Variants in KLHL14 observed in about 807,000 individuals in gnomAD.
KLHL14 encodes the protein kelch-like protein 14.
In KLHL14, 22 loss-of-function variants were observed where a neutral mutation model predicts 64.3. The observed-to-expected ratio is 0.34, with a 90% confidence interval of 0.24 to 0.49. The LOEUF is 0.49. KLHL14 is among the 20% of genes least tolerant of loss of function. The pLI is 0.99. For synonymous variants in KLHL14, 322 were observed against 333.4 expected (o/e 0.97, Z 0.37); for missense variants, 661 against 789.0 (o/e 0.84, Z 1.94).
rs140643535 is a variant in KLHL14 at position 32,684,182 on chromosome 18, T to C, written c.1238+2973A>G. Among the ~76,000 whole-genome samples the C allele has an allele frequency of 8.3e-3, 1,267 of 152,338 alleles. 11 individuals carry two copies. The highest frequency in any genetic ancestry group is 0.034 in the Middle Eastern group (10 of 294). On this transcript the variant is annotated intron_variant, in intron 5 of 8. Transcript: ENST00000359358. ...CTCTCTTTACTGAAGAATTAAATTC[T>C]AAATCTGAGAGCAAAACAATTCATT...
intron 3 of KLHL14, among the ~76,000 whole-genome samples, chr18:32,715,054 C>T (rs77330324): frequency 1.7e-3 from 258 of 152,242 alleles, no homozygotes; most frequent in African/African-American, 6.0e-3. Context: ...CCTGAAGGCA[C>T]TATAAAGTAG....
intron 5 of KLHL14, among the ~76,000 whole-genome samples, chr18:32,681,333 T>TA (rs1345896335): frequency 3.9e-5 from 6 of 152,120 alleles, no homozygotes; most frequent in Non-Finnish European, 7.4e-5. Flanking sequence ...AATCCTAAAA[T>TA]ATGCCATAAT....
At chr18:32,736,914 G>T (rs1256923390) in intron 3 of KLHL14, among the ~76,000 whole-genome samples, 1 of 151,954 alleles carries the variant, frequency 6.6e-6, no homozygotes, top group Non-Finnish European at 1.5e-5. Flanking sequence ...ATTTCTGTAT[G>T]TATCTCTTAG....
At chr18:32,711,716 C>T (rs906771328) in intron 3 of KLHL14, among the ~76,000 whole-genome samples, 2 of 152,176 alleles carry the variant, frequency 1.3e-5, no homozygotes, top group African/African-American at 2.4e-5. Flanking sequence ...TTTCACTGTT[C>T]CTCATACATC....
intron 2 of KLHL14, 25 bp downstream of exon 2, chr18:32,769,620 C>G (rs760324519): frequency 3.2e-5 from 42 of 1,296,462 alleles, no homozygotes; most frequent in Non-Finnish European, 1.9e-5. Flanking sequence ...CCCCCTCCCC[C>G]GCCCTCCTCT....
At position 32,672,992 on chromosome 18, in the gene KLHL14, G is replaced by C. The variant is rs2049792429; in HGVS notation, c.*1665C>G. 1 of 152,676 alleles carries C rather than the reference G, an allele frequency of 6.5e-6. No homozygotes were observed. Among genetic ancestry groups the C allele is most frequent in the Non-Finnish European group, 1.5e-5 (1 of 68,018 alleles). The allele number at this position is 152,676 out of a possible 1,614,324, so 9.5% of individuals were successfully genotyped here. A position where few individuals can be genotyped will look rare whatever the true frequency, so the allele number is the denominator to read the frequency against. ...AGACCTCATTCTATTCATGATGTCA[G>C]CTGAGATTTTCCCACAGAGTACTGT... On this transcript the variant is annotated 3_prime_UTR_variant, in exon 9 of 9. Coordinates refer to ENST00000359358, the MANE Select transcript of KLHL14 (RefSeq NM_020805.3).
At chr18:32,695,430 T>C (rs778754206) in intron 4 of KLHL14, 33 bp downstream of exon 4, 13 of 1,317,516 alleles carry the variant, frequency 9.9e-6, no homozygotes, top group Admixed American at 1.7e-5. Flanking sequence ...ACATACTTGT[T>C]GAGCACCTCC....
At chr18:32,695,581 A>C (rs746545814) in intron 3 of KLHL14, 29 bp from the exon 4 acceptor site, 3 of 1,428,036 alleles carry the variant, frequency 2.1e-6, no homozygotes, top group African/African-American at 1.4e-5. Context: ...AAAAAGACAT[A>C]TGAAATTTTC....
At chr18:32,677,120 A>G in intron 8 of KLHL14, 53 bp downstream of exon 8, 2 of 1,561,568 alleles carry the variant, frequency 1.3e-6, no homozygotes, top group Non-Finnish European at 1.7e-6. Context: ...AAGGATACAG[A>G]AAACGTAAGC....
intron 3 of KLHL14, among the ~76,000 whole-genome samples, chr18:32,708,037 T>C (rs968696424): frequency 2.6e-5 from 4 of 152,158 alleles, no homozygotes; most frequent in African/African-American, 9.7e-5. Flanking sequence ...CAGGGAGAGA[T>C]AAATTATCCA....
rs2049922134 is a variant in KLHL14 at position 32,693,494 on chromosome 18, T to C, written c.1159+1969A>G. ...TAAGGATAAAGGTAAAATTAAAATA[T>C]AGTAATTAAAGTTATACTAAAATTT... On this transcript the variant is annotated intron_variant, in intron 4 of 8. Coordinates refer to ENST00000359358, the MANE Select transcript of KLHL14 (RefSeq NM_020805.3). Among the ~76,000 whole-genome samples the C allele has an allele frequency of 4.0e-5, 6 of 150,986 alleles. No individual in the cohort carries two copies. The South Asian group carries it at 1.0e-3, about 26-fold the overall frequency.
At position 32,683,209 on chromosome 18, in the gene KLHL14, T is replaced by A. The variant is rs1474731654; in HGVS notation, c.1239-2610A>T. ...CTCTCTTTTCTAGCCAAGGCGTTCT[T>A]CATGCGACACTTCGTGTGTACTCCT... is the stretch of plus-strand genomic sequence containing the variant. On this transcript the variant is annotated intron_variant, in intron 5 of 8. Transcript: ENST00000359358. The surrounding 1 kb of genome is among the most constrained non-coding windows in gnomAD (Gnocchi z 4.2). Among the ~76,000 whole-genome samples the A allele has an allele frequency of 2.0e-5, 3 of 152,198 alleles. No individual in the cohort carries two copies. The highest frequency in any genetic ancestry group is 2.9e-5 in the Non-Finnish European group (2 of 68,024).
intron 3 of KLHL14, among the ~76,000 whole-genome samples, chr18:32,732,703 T>C (rs1025963540): frequency 3.9e-5 from 6 of 152,124 alleles, no homozygotes; most frequent in African/African-American, 1.2e-4. Flanking sequence ...CATAGACATG[T>C]GACATGAAAA....
At chr18:32,756,000 T>G (rs1280045926) in intron 2 of KLHL14, among the ~76,000 whole-genome samples, 1 of 152,222 alleles carries the variant, frequency 6.6e-6, no homozygotes, top group African/African-American at 2.4e-5. Context: ...TTAATTTCCC[T>G]GTTTTCTAAT....
intron 2 of KLHL14, among the ~76,000 whole-genome samples, chr18:32,767,919 A>G (rs777712203): frequency 4.6e-5 from 7 of 152,250 alleles, no homozygotes; most frequent in Non-Finnish European, 1.0e-4. Context: ...GTTCAGAACT[A>G]TAACTGTGTT....
intron 3 of KLHL14, among the ~76,000 whole-genome samples, chr18:32,696,556 G>C (rs184378897): frequency 3.9e-4 from 60 of 152,296 alleles, no homozygotes; most frequent in African/African-American, 1.2e-3. Flanking sequence ...GGACAAATGG[G>C]GAGGTGATGT....
intron 3 of KLHL14, among the ~76,000 whole-genome samples, chr18:32,703,355 T>G (rs1001044983): frequency 3.9e-5 from 6 of 152,110 alleles, no homozygotes; most frequent in Admixed American, 6.6e-5. Context: ...TGGAAAAGAT[T>G]GTGATGGATG....
intron 3 of KLHL14, chr18:32,734,372 A>G (rs1038955219): frequency 1.2e-5 from 8 of 646,242 alleles, no homozygotes; most frequent in Middle Eastern, 2.6e-4. Context: ...GGATCCCTGA[A>G]TGACTCTGTG....
chr18:32,681,861 T>C (rs2049840734), intron 5 of KLHL14, among the ~76,000 whole-genome samples: 1 of 152,138 alleles, frequency 6.6e-6, no homozygotes, highest in Non-Finnish European at 1.5e-5. Flanking sequence ...CGATTTGGCT[T>C]CTTGAGTAAG....
Sources: gnomAD v4.1 joint callset for allele counts (sites outside exome capture counted in the v4.1 genomes callset) on GRCh38, gnomAD v4.1.1 for gene constraint, Gnocchi (gnomAD v3.1) non-coding constraint, MANE v1.5 for transcripts, NCBI Gene and HGNC (gene_info 2026-07-23, HGNC 2026-07-21) for gene names.